Variants in C2orf49 observed in about 807,000 individuals in gnomAD.
C2orf49 encodes tRNA splicing ligase complex subunit 2.
A neutral mutation model predicts 20.6 loss-of-function variants in C2orf49; 11 were observed. That is an observed-to-expected ratio of 0.53 (90% CI 0.34 to 0.88). The LOEUF (loss-of-function observed/expected upper bound fraction) is 0.88, where lower values mean the gene tolerates loss of function less well. Ranked by LOEUF, C2orf49 falls within the 40% of genes least tolerant of loss-of-function variation. C2orf49 has a pLI of 0.02. For synonymous variants in C2orf49, 134 were observed against 108.5 expected (o/e 1.24, Z -1.46); for missense variants, 289 against 274.2 (o/e 1.05, Z -0.38).
chr2:105,352,183 A>G (rs928097680), downstream of C2orf49, among the ~76,000 whole-genome samples: 1 of 152,178 alleles, frequency 6.6e-6, no homozygotes. Context: ...TTTGCCTTTA[A>G]TCTTACAGAC....
chr2:105,367,827 C>A, the C2orf49 span: 1 of 1,392,790 alleles, frequency 7.2e-7, no homozygotes. Context: ...TTGCTGCCCT[C>A]TAGTTTTATG....
the C2orf49 span, among the ~76,000 whole-genome samples, chr2:105,355,302 C>T: frequency 4.5e-4 from 69 of 152,206 alleles, no homozygotes; most frequent in African/African-American, 1.6e-3. Flanking sequence ...AGATTTACAT[C>T]CCCAGGAAGG....
Position 105,347,841 on chromosome 2 carries a change from C to G in C2orf49, c.*2470C>G, listed in dbSNP as rs1679851109. 6.6e-6 allele frequency: 1 copy of G among 152,182 alleles called. No homozygotes were observed. The highest frequency in any genetic ancestry group is 2.4e-5 in the African/African-American group (1 of 41,434). The allele number at this position is 152,182 out of a possible 1,614,324, so 9.4% of individuals were successfully genotyped here. ...ACAACTTTAGAATACTAGTTACTCA[C>G]TAACATGAGGCGGGTAATGTTGCTC... On this transcript the variant is annotated 3_prime_UTR_variant, in exon 4 of 4. Transcript: ENST00000258457.
the C2orf49 span, among the ~76,000 whole-genome samples, chr2:105,364,684 A>G: frequency 6.6e-6 from 1 of 152,232 alleles, no homozygotes; most frequent in African/African-American, 2.4e-5. Flanking sequence ...CAAGCACCTC[A>G]CAATCACACT....
intron 3 of C2orf49, among the ~76,000 whole-genome samples, chr2:105,343,959 T>C (rs1228451104): frequency 6.6e-6 from 1 of 152,092 alleles, no homozygotes. Context: ...TTATTATTAT[T>C]ATCATCTAAT....
At chr2:105,350,099 G>T (rs922898844), downstream of C2orf49, among the ~76,000 whole-genome samples, 1 of 152,172 alleles carries the variant, frequency 6.6e-6, no homozygotes, top group Non-Finnish European at 1.5e-5. Flanking sequence ...TATCCCCCCC[G>T]GTCTAGCTGC....
At chr2:105,363,360 C>T in the C2orf49 span, 1 of 1,614,196 alleles carries the variant, frequency 6.2e-7, no homozygotes, top group Non-Finnish European at 8.5e-7. Context: ...TAGGCAAAGT[C>T]ATCGCGAGCT....
At chr2:105,338,442 C>T (rs1430561754) in intron 1 of C2orf49, among the ~76,000 whole-genome samples, 1 of 152,108 alleles carries the variant, frequency 6.6e-6, no homozygotes, top group Non-Finnish European at 1.5e-5. Context: ...TTTTTAGGTA[C>T]TTAAGAATGA....
the C2orf49 span, among the ~76,000 whole-genome samples, chr2:105,384,506 GT>G: frequency 8.6e-5 from 13 of 151,802 alleles, no homozygotes; most frequent in Admixed American, 1.3e-4. Flanking sequence ...GTTCTCCCCA[GT>G]TTTTTTTGGG....
At chr2:105,369,493 G>T in the C2orf49 span, among the ~76,000 whole-genome samples, 1 of 152,174 alleles carries the variant, frequency 6.6e-6, no homozygotes, top group Non-Finnish European at 1.5e-5. Flanking sequence ...AATAAGCAGG[G>T]TGTGTGTTGG....
At chr2:105,370,488 TAGGGGCGCGAG>T in the C2orf49 span, among the ~76,000 whole-genome samples, 1 of 151,986 alleles carries the variant, frequency 6.6e-6, no homozygotes, top group Non-Finnish European at 1.5e-5. Context: ...CGTCTGCTAA[TAGGGGCGCGAG>T]AGCCGGTAAA....
At chr2:105,345,238 G>C (rs1405711423) in intron 3 of C2orf49, 77 bp from the exon 4 acceptor site, 3 of 1,288,404 alleles carry the variant, frequency 2.3e-6, no homozygotes, top group Non-Finnish European at 3.3e-6. Flanking sequence ...AGTAAACCTT[G>C]GTTGTTTGAA....
chr2:105,381,365 A>G, the C2orf49 span, among the ~76,000 whole-genome samples: 1 of 151,880 alleles, frequency 6.6e-6, no homozygotes, highest in South Asian at 2.1e-4. Context: ...TCACTCAATT[A>G]CCCCGACAGT....
the C2orf49 span, among the ~76,000 whole-genome samples, chr2:105,382,759 T>C: frequency 2.0e-5 from 3 of 152,242 alleles, no homozygotes; most frequent in Non-Finnish European, 4.4e-5. Context: ...TCCAATTTCA[T>C]GGCATTGCTT....
chr2:105,337,671 C>T lies in C2orf49; in HGVS notation c.84C>T (p.Leu28=). The T allele has an allele frequency of 7.3e-7, 1 of 1,371,726 alleles. No individual in the cohort carries two copies. Among genetic ancestry groups the T allele is most frequent in the Non-Finnish European group, 9.7e-7 (1 of 1,028,472 alleles). The allele number at this position is 1,371,726 out of a possible 1,614,324, so 85.0% of individuals were successfully genotyped here. Residue 28 remains leucine (L), a synonymous_variant, in exon 1 of 4, where the codon CTC becomes CTT. Transcript: ENST00000258457. ...HPELLSQEFL[L]LTLEQKNIAV... ...AGCTGCTGTCCCAGGAGTTCCTTCT[C>T]CTCACTCTGGAGCAGGTTGGGCGCG...
chr2:105,363,405 C>T, the C2orf49 span: 4 of 1,613,486 alleles, frequency 2.5e-6, no homozygotes. Context: ...TTCCTGCAGG[C>T]GGTGCACACG....
the C2orf49 span, among the ~76,000 whole-genome samples, chr2:105,354,889 A>AG: frequency 6.6e-6 from 1 of 152,118 alleles, no homozygotes; most frequent in Non-Finnish European, 1.5e-5. Flanking sequence ...TGCTAAACAG[A>AG]GAAAAATGCT....
At chr2:105,376,625 G>T in the C2orf49 span, 1 of 152,178 alleles carries the variant, frequency 6.6e-6, no homozygotes, top group Non-Finnish European at 1.5e-5. Flanking sequence ...GATATTAAAA[G>T]TAGAATTACC....
At chr2:105,378,355 C>G in the C2orf49 span, 2 of 372,962 alleles carry the variant, frequency 5.4e-6, no homozygotes, top group African/African-American at 2.1e-5. Context: ...CCTGTCCCCC[C>G]ACACCCTGCT....
Sources: gnomAD v4.1 joint callset for allele counts (sites outside exome capture counted in the v4.1 genomes callset) on GRCh38, gnomAD v4.1.1 for gene constraint, MANE v1.5 for transcripts, NCBI Gene and HGNC (gene_info 2026-07-23, HGNC 2026-07-21) for gene names.